The following DNAJC6 variants were observed in gnomAD, a reference collection of about 807,000 sequenced individuals.
DNAJC6 encodes the protein DnaJ heat shock protein family (Hsp40) member C6, also known as auxilin.
A neutral mutation model predicts 110.0 loss-of-function variants in DNAJC6; 34 were observed. That is an observed-to-expected ratio of 0.31 (90% CI 0.24 to 0.41). DNAJC6 has a LOEUF of 0.41. Among genes scored for constraint, DNAJC6 ranks in the 10% least tolerant of loss-of-function variants. DNAJC6 has a pLI of 1.00. For synonymous variants in DNAJC6, 406 were observed against 437.2 expected, an observed-to-expected ratio of 0.93 and a Z score of 0.89; for missense variants, 1,031 against 1,207.8, an observed-to-expected ratio of 0.85 and a Z score of 2.17.
chr1:65,347,023 A>C (rs1351774271), intron 1 of DNAJC6, among the ~76,000 whole-genome samples: 1 of 152,178 alleles, frequency 6.6e-6, no homozygotes, highest in Non-Finnish European at 1.5e-5. Context: ...GTGTGTCTAA[A>C]CAGTAGAAAA....
chr1:65,264,993 A>T, intron 1 of DNAJC6: 1 of 1,494,366 alleles, frequency 6.7e-7, no homozygotes. Context: ...GATGCTAGGG[A>T]TGCGATGTCA....
intron 1 of DNAJC6, among the ~76,000 whole-genome samples, chr1:65,355,530 G>A (rs1046347709): frequency 3.9e-5 from 6 of 152,172 alleles, no homozygotes; most frequent in African/African-American, 1.4e-4. Context: ...CTGTTGAGCA[G>A]CTGTGTCCAG....
chr1:65,386,036 A>C, intron 7 of DNAJC6, 130 bp downstream of exon 7: 2 of 970,442 alleles, frequency 2.1e-6, no homozygotes, highest in Non-Finnish European at 2.9e-6. Context: ...AAAAATGTTC[A>C]ACATCAGTGG....
At position 65,405,582 on chromosome 1, in the gene DNAJC6, G is replaced by A. The variant is rs74514113; in HGVS notation, c.2228-288G>A. 1.8e-3 allele frequency among the ~76,000 whole-genome samples: 273 copies of A among 152,214 alleles called. 3 individuals are homozygous for A. In the East Asian group the frequency reaches 0.044, roughly 24 times the overall value. On this transcript the variant is annotated intron_variant, in intron 15 of 18. Transcript: ENST00000371069. ...AGGCAAAGATCCAGAATCAAGTCTC[G>A]GCTCAGCTACTTGCTGTGTGCCTCT...
At chr1:65,341,811 C>T (rs1263699015) in intron 1 of DNAJC6, among the ~76,000 whole-genome samples, 1 of 151,992 alleles carries the variant, frequency 6.6e-6, no homozygotes, top group Non-Finnish European at 1.5e-5. Context: ...TGGGACTGGG[C>T]AGCAAGAAGA....
At chr1:65,290,121 G>A (rs892947190) in intron 1 of DNAJC6, among the ~76,000 whole-genome samples, 4 of 152,166 alleles carry the variant, frequency 2.6e-5, no homozygotes, top group Admixed American at 2.0e-4. Flanking sequence ...AGCATTGTAT[G>A]TTAAAACAAC....
intron 4 of DNAJC6, among the ~76,000 whole-genome samples, chr1:65,373,434 C>T (rs1645727852): frequency 6.6e-6 from 1 of 152,166 alleles, no homozygotes; most frequent in South Asian, 2.1e-4. Context: ...CACATTTTCA[C>T]CAGCATCTGG....
rs1645080977 is a variant in DNAJC6 at position 65,309,870 on chromosome 1, A to AC, written c.126dup (p.Ala43ArgfsTer39). ...GGGGTTGGCGGCAAGCAGAGAGTGA[A>AC]CGCCGGGGCAGCGGCGCGGAGTCCC... On this transcript the variant is annotated frameshift_variant, in exon 1 of 19. Transcript: ENST00000371069. LOFTEE classifies it high-confidence loss of function. The AC allele has an allele frequency of 3.2e-6, 5 of 1,546,980 alleles. No homozygotes were observed. In the African/African-American group the frequency reaches 6.9e-5, roughly 21 times the overall value.
intron 14 of DNAJC6, 37 bp from the exon 15 acceptor site, chr1:65,401,724 A>G (rs758843592): frequency 5.0e-6 from 8 of 1,593,332 alleles, no homozygotes; most frequent in Non-Finnish European, 6.8e-6. Context: ...AGCCTCAAAC[A>G]ACTAACTCAT....
intron 1 of DNAJC6, among the ~76,000 whole-genome samples, chr1:65,292,103 G>C (rs922708077): frequency 6.6e-6 from 1 of 152,078 alleles, no homozygotes; most frequent in African/African-American, 2.4e-5. Flanking sequence ...TACAACCTCT[G>C]CCTCCCAGGT....
intron 6 of DNAJC6, among the ~76,000 whole-genome samples, chr1:65,384,876 T>C (rs1423386224): frequency 6.6e-6 from 1 of 152,192 alleles, no homozygotes; most frequent in East Asian, 1.9e-4. Flanking sequence ...TAAGCCCCCA[T>C]ACGAAAATTT....
intron 1 of DNAJC6, among the ~76,000 whole-genome samples, chr1:65,324,357 G>A (rs1284255732): frequency 6.6e-6 from 1 of 150,506 alleles, no homozygotes; most frequent in Non-Finnish European, 1.5e-5. Context: ...TTTTTTGTTT[G>A]TTTTGTTTTG....
At chr1:65,387,099 G>A (rs1645880308) in intron 8 of DNAJC6, among the ~76,000 whole-genome samples, 170 bp downstream of exon 8, 1 of 152,206 alleles carries the variant, frequency 6.6e-6, no homozygotes, top group Non-Finnish European at 1.5e-5. Flanking sequence ...GGGAGGAACT[G>A]AGACTCAAAG....
chr1:65,309,236 C>A (rs1053645714), upstream of DNAJC6, among the ~76,000 whole-genome samples: 3 of 151,780 alleles, frequency 2.0e-5, no homozygotes, highest in Admixed American at 2.0e-4. Context: ...CAACCCACGT[C>A]GTAGTAGTCC....
chr1:65,351,019 C>G (rs1645485976), intron 1 of DNAJC6, among the ~76,000 whole-genome samples: 1 of 152,186 alleles, frequency 6.6e-6, no homozygotes, highest in Non-Finnish European at 1.5e-5. Context: ...TCCAGCACCC[C>G]TAATCCCTAT....
intron 5 of DNAJC6, 134 bp from the exon 6 acceptor site, chr1:65,384,059 T>A (rs978971360): frequency 8.5e-7 from 1 of 1,175,702 alleles, no homozygotes; most frequent in African/African-American, 1.6e-5. Context: ...AAGTGAATAA[T>A]TTTTAAATGA....
chr1:65,374,401 C>T (rs1032633267), intron 4 of DNAJC6, among the ~76,000 whole-genome samples: 11 of 152,104 alleles, frequency 7.2e-5, no homozygotes, highest in African/African-American at 2.7e-4. Flanking sequence ...ATTATTTCTT[C>T]TAATCCATGA....
At chr1:65,408,854 A>C in intron 17 of DNAJC6, 71 bp downstream of exon 17, 1 of 1,542,092 alleles carries the variant, frequency 6.5e-7, no homozygotes, top group African/African-American at 1.4e-5. Flanking sequence ...ATGTGTATGG[A>C]GCTATCGCCA....
At chr1:65,316,267 T>C (rs1380645856) in intron 1 of DNAJC6, among the ~76,000 whole-genome samples, 1 of 152,210 alleles carries the variant, frequency 6.6e-6, no homozygotes, top group East Asian at 1.9e-4. Context: ...CTTTATGTTT[T>C]TGCATACACT....
Sources: gnomAD v4.1 joint callset for allele counts (sites outside exome capture counted in the v4.1 genomes callset) on GRCh38, gnomAD v4.1.1 for gene constraint, MANE v1.5 for transcripts, NCBI Gene and HGNC (gene_info 2026-07-23, HGNC 2026-07-21) for gene names.